Variants in EPS8L2 observed in about 807,000 individuals in gnomAD.
The protein encoded by EPS8L2 is EPS8 signaling adaptor L2, also known as epidermal growth factor receptor kinase substrate 8-like protein 2.
EPS8L2 carries 81 observed loss-of-function variants against 99.4 expected under a neutral mutation model. That is an observed-to-expected ratio of 0.82 (90% CI 0.68 to 0.98). The LOEUF is 0.98. EPS8L2 is among the 50% of genes least tolerant of loss of function. EPS8L2 has a pLI of 0.00. For synonymous variants in EPS8L2, 509 were observed against 407.3 expected, an observed-to-expected ratio of 1.25 and a Z score of -3.01; for missense variants, 1,155 against 968.8, an observed-to-expected ratio of 1.19 and a Z score of -2.55.
chr11:709,530 C>T (rs904363087), intron 2 of EPS8L2, 23 bp from the exon 3 acceptor site: 2 of 1,610,772 alleles, frequency 1.2e-6, no homozygotes, highest in Non-Finnish European at 1.7e-6. Context: ...TTTGGCCCTG[C>T]CCTGACAGCC....
At chr11:715,051 G>A (rs888633632) in intron 4 of EPS8L2, among the ~76,000 whole-genome samples, 3 of 152,050 alleles carry the variant, frequency 2.0e-5, no homozygotes, top group Admixed American at 6.6e-5. Flanking sequence ...GACCATTCTG[G>A]CTAACATGGT....
At chr11:720,958 C>CCCGGCAGGGGAGGGGGGGAG (rs1862144501) in intron 7 of EPS8L2, 49 bp downstream of exon 7, 2 of 1,017,056 alleles carry the variant, frequency 2.0e-6, no homozygotes, top group Non-Finnish European at 2.7e-6. Context: ...AGGGGAGGAG[C>CCCGGCAGGGGAGGGGGGGAG]CCGGCAGGGG....
At chr11:718,449 A>G (rs563230493) in intron 4 of EPS8L2, among the ~76,000 whole-genome samples, 87 of 149,682 alleles carry the variant, frequency 5.8e-4, no homozygotes, top group Non-Finnish European at 1.1e-3. Flanking sequence ...GTTGCATACA[A>G]TTTTTTCTTT....
At chr11:721,457 C>T (rs1404394750) in intron 9 of EPS8L2, 105 bp downstream of exon 9, 3 of 1,490,386 alleles carry the variant, frequency 2.0e-6, no homozygotes, top group African/African-American at 1.4e-5. Flanking sequence ...GGCTGCCCCT[C>T]CGAAGGTGTG....
Position 722,462 on chromosome 11 carries a change from G to C in EPS8L2, c.1121G>C (p.Arg374Pro). Residue 374 changes from arginine to proline, a missense_variant, in exon 13 of 21, where the codon CGA (arginine) becomes CCA (proline). Physicochemically the swap from Arg to Pro is moderately radical, Grantham distance 103 (BLOSUM62 -2). Coordinates refer to ENST00000318562, the MANE Select transcript of EPS8L2 (RefSeq NM_022772.4). The part of the protein sequence containing the change: ...ARSVSCPLLS[R>P]DAVDFLRGHL... ...TCCGTCTCCTGCCCACTGCTCTCCC[G>C]AGATGCCGTGGACTTCCTGCGCGGC... 7 of 1,613,482 alleles carry C rather than the reference G, an allele frequency of 4.3e-6. No individual in the cohort carries two copies. The highest frequency in any genetic ancestry group is 1.7e-4 in the Middle Eastern group (1 of 6,058).
rs192585652 is a variant in EPS8L2 at position 712,063 on chromosome 11, A to G, written c.165+1577A>G. Among the ~76,000 whole-genome samples the G allele has an allele frequency of 3.3e-3, 499 of 151,914 alleles. 2 individuals are homozygous for G. Among genetic ancestry groups the G allele is most frequent in the African/African-American group, 0.011 (474 of 41,388 alleles). On this transcript the variant is annotated intron_variant, in intron 4 of 20. Coordinates refer to ENST00000318562, the MANE Select transcript of EPS8L2 (RefSeq NM_022772.4). The stretch of plus-strand genomic sequence containing the variant: ...CACTTTGGGAGGCCGAGGCGGGTGG[A>G]TCACCTGACGTCAGGAGTTCGAGAC...
At chr11:717,834 C>A (rs1474753229) in intron 4 of EPS8L2, among the ~76,000 whole-genome samples, 1 of 149,204 alleles carries the variant, frequency 6.7e-6, no homozygotes, top group Non-Finnish European at 1.5e-5. Context: ...ATGGTGAAAC[C>A]CCATCTCTAC....
intron 4 of EPS8L2, among the ~76,000 whole-genome samples, chr11:712,582 C>T (rs1056992023): frequency 6.6e-6 from 1 of 152,224 alleles, no homozygotes; most frequent in Non-Finnish European, 1.5e-5. Context: ...CTGGGTCCTC[C>T]TGCAGGACCA....
Position 721,703 on chromosome 11 carries a change from A to AGGGACGGGGCCGGCAGGTGCAG in EPS8L2, c.895+24_895+45dup, listed in dbSNP as rs752501897. The AGGGACGGGGCCGGCAGGTGCAG allele has an allele frequency of 1.3e-5, 21 of 1,599,252 alleles. No individual in the cohort carries two copies. The highest frequency in any genetic ancestry group is 1.2e-4 in the South Asian group (11 of 90,228). On this transcript the variant is annotated intron_variant, in intron 10 of 20. Transcript: ENST00000318562. ...GAAGGCGCCAGCAGGTGCAGGGGAC[A>AGGGACGGGGCCGGCAGGTGCAG]GGGACGGGGCCGGCAGGTGCAGGGG...
rs201542674 is a variant in EPS8L2, at chr11:726,764, G to A, written c.2067+13G>A. The stretch of plus-strand genomic sequence containing the variant: ...GGCCTTCCTGGAGGTGAGCCCGCCT[G>A]CGCTCCGGCGCCACGCCCCTCCTGC... On this transcript the variant is annotated intron_variant, in intron 20 of 20. Transcript: ENST00000318562. 2.9e-4 allele frequency: 466 copies of A among 1,584,684 alleles called. 3 individuals carry two copies. In the African/African-American group the frequency reaches 5.8e-3, roughly 20 times the overall value.
chr11:726,379 G>C lies in EPS8L2; in HGVS notation c.1829G>C (p.Arg610Thr). Reference sequence around the variant, plus strand: ...AGCAACATCAGGGCGCAGCCACAGAGGCACTTCCGCGTGGAGCGCAGCCAG... The same window carrying C: ...AGCAACATCAGGGCGCAGCCACAGACGCACTTCCGCGTGGAGCGCAGCCAG... ...KISNIRAQPQRHFRVERSQPV... is the reference protein window; with the variant it reads ...KISNIRAQPQTHFRVERSQPV... The change falls in exon 19 of 21, where the codon AGG becomes ACG. Residue 610 changes from arginine to threonine, a missense_variant. Physicochemically the swap from Arg to Thr is moderately conservative, Grantham distance 71. Transcript: ENST00000318562. The C allele has an allele frequency of 6.2e-7, 1 of 1,610,504 alleles. No homozygotes were observed. The highest frequency in any genetic ancestry group is 8.5e-7 in the Non-Finnish European group (1 of 1,179,124).
At chr11:715,624 T>G (rs1486932782) in intron 4 of EPS8L2, among the ~76,000 whole-genome samples, 4 of 144,440 alleles carry the variant, frequency 2.8e-5, no homozygotes, top group Non-Finnish European at 4.5e-5. Flanking sequence ...TTTTGTTTTT[T>G]TTTTTTTTTT....
chr11:712,953 C>A (rs1861928778), intron 4 of EPS8L2, among the ~76,000 whole-genome samples: 1 of 151,720 alleles, frequency 6.6e-6, no homozygotes, highest in South Asian at 2.1e-4. Context: ...CGGGAGGAGC[C>A]TGGGGCCTCT....
In EPS8L2 at chr11:720,854, G is replaced by C; in HGVS notation, c.502G>C (p.Glu168Gln). 1 of 1,536,512 alleles carries C rather than the reference G, an allele frequency of 6.5e-7. No homozygotes were observed. The highest frequency in any genetic ancestry group is 8.7e-7 in the Non-Finnish European group (1 of 1,143,986). ...VEAELVHEDI[E>Q]SALADCRLGK... is the part of the protein sequence containing the mutation. ...GGCAGAGCTGGTGCACGAGGACATC[G>C]AGAGCGCGTTGGCCGACTGCCGGCT... The change falls in exon 7 of 21, where the codon GAG (glutamate) becomes CAG (glutamine). Residue 168 changes from glutamate (E) to glutamine (Q), a missense_variant. Transcript: ENST00000318562.
chr11:709,112 G>A, intron 1 of EPS8L2: 2 of 557,936 alleles, frequency 3.6e-6, no homozygotes, highest in Non-Finnish European at 6.4e-6. Context: ...GGGGGTCCCT[G>A]TGGAGCACCT....
rs1199453468 is a variant in EPS8L2 at position 712,291 on chromosome 11, GA to G, written c.165+1816del. ...ACAGGGCGAGACTCCATCTCAAAAG[GA>G]AAAAAAAAAAGGCCCCTGCGCCTGG... On this transcript the variant is annotated intron_variant, in intron 4 of 20. Transcript: ENST00000318562. Among the ~76,000 whole-genome samples the G allele has an allele frequency of 5.6e-4, 80 of 143,672 alleles. 1 individual carries two copies. The highest frequency in any genetic ancestry group is 1.0e-3 in the African/African-American group (40 of 39,526). 94.3% of individuals were successfully genotyped at this position (143,672 alleles called of 152,430 possible).
chr11:710,158 C>T (rs765467060), intron 3 of EPS8L2: 8 of 476,298 alleles, frequency 1.7e-5, no homozygotes, highest in Non-Finnish European at 3.0e-5. Context: ...ACCCCCCGGG[C>T]ACAGGCTGCT....
intron 4 of EPS8L2, among the ~76,000 whole-genome samples, chr11:719,077 C>T: frequency 6.8e-6 from 1 of 146,252 alleles, no homozygotes; most frequent in Non-Finnish European, 1.5e-5. Context: ...GTGATTCTCC[C>T]ACCTCAGCCT....
rs1160259540 is a variant in EPS8L2, at chr11:721,012, GA to G, written c.558-51del. On this transcript the variant is annotated intron_variant, in intron 7 of 20. Transcript: ENST00000318562. Reference sequence around the variant, plus strand: ...GGAGGGGAGGAGCCCGGCAGGGAGGGAGGGTCAGGTGCGTTCCCGGCGGGGC... The same window carrying G: ...GGAGGGGAGGAGCCCGGCAGGGAGGGGGGTCAGGTGCGTTCCCGGCGGGGC... 6 of 1,496,418 alleles carry G rather than the reference GA, an allele frequency of 4.0e-6. No homozygotes were observed. In the African/African-American group the frequency reaches 4.2e-5, roughly 10 times the overall value. The allele number at this position is 1,496,418 out of a possible 1,614,324, so 92.7% of individuals were successfully genotyped here. A position where few individuals can be genotyped will look rare whatever the true frequency, so the allele number is the denominator to read the frequency against.
Sources: allele counts gnomAD v4.1 joint callset (sites outside exome capture counted in the v4.1 genomes callset), GRCh38; gene constraint gnomAD v4.1.1; transcripts MANE v1.5; gene names NCBI Gene and HGNC (gene_info 2026-07-23, HGNC 2026-07-21).